Variants in APBA2 observed in about 807,000 individuals in gnomAD.
APBA2 encodes the protein amyloid-beta A4 precursor protein-binding family A member 2.
APBA2 carries 30 observed loss-of-function variants against 75.0 expected under a neutral mutation model. The observed-to-expected ratio is 0.40, with a 90% CI of 0.30 to 0.54. The LOEUF is 0.54. Ranked by LOEUF, APBA2 falls within the 20% of genes least tolerant of loss-of-function variation. APBA2 has a pLI of 0.49. For synonymous variants in APBA2, 444 were observed against 409.6 expected (o/e 1.08, Z -1.01); for missense variants, 801 against 1,016.1 (o/e 0.79, Z 2.88).
At chr15:29,027,260 G>C (rs1331919269) in intron 3 of APBA2, among the ~76,000 whole-genome samples, 1 of 152,070 alleles carries the variant, frequency 6.6e-6, no homozygotes, top group African/African-American at 2.4e-5. Flanking sequence ...AAACGTGTTT[G>C]TCAATTCATC....
Position 29,054,332 on chromosome 15 carries a change from C to G in APBA2, c.448C>G (p.His150Asp), listed in dbSNP as rs373964837. 56 of 1,613,940 alleles carry G rather than the reference C, an allele frequency of 3.5e-5. 3 individuals are homozygous for G. The highest frequency in any genetic ancestry group is 4.5e-5 in the Non-Finnish European group (53 of 1,180,022). Residue 150 changes from histidine (H) to aspartate (D), a missense_variant, in exon 4 of 15, where the codon CAC becomes GAC. Physicochemically the swap from His to Asp is moderately conservative, Grantham distance 81. Transcript: ENST00000683413. This position sits in a 1 kb window ranked among gnomAD's most constrained non-coding sequence, Gnocchi z 6.1. ...EWTDSAGPHP[H>D]GHEAEGSQDY... ...GACGGACTCGGCGGGCCCGCACCCCCACGGCCACGAGGCTGAAGGCAGCCA... is the reference window on the plus strand; with the variant it reads ...GACGGACTCGGCGGGCCCGCACCCCGACGGCCACGAGGCTGAAGGCAGCCA...
chr15:28,925,231 C>G (rs1321933816), intron 2 of APBA2, among the ~76,000 whole-genome samples: 1 of 152,108 alleles, frequency 6.6e-6, no homozygotes, highest in Non-Finnish European at 1.5e-5. Context: ...AAAAATACCA[C>G]TTGGTTGTAG....
intron 1 of APBA2, among the ~76,000 whole-genome samples, chr15:28,903,804 T>G (rs1005771221): frequency 2.6e-5 from 4 of 152,082 alleles, no homozygotes; most frequent in Non-Finnish European, 5.9e-5. Context: ...TGCTCTGTGG[T>G]GGGCCAGTGG....
At chr15:29,116,550 C>T (rs559638512) in intron 14 of APBA2, among the ~76,000 whole-genome samples, 46 of 151,696 alleles carry the variant, frequency 3.0e-4, no homozygotes, top group African/African-American at 1.1e-3. Context: ...ATGACATGAA[C>T]CCGGGGGGCA....
chr15:28,979,933 T>G (rs1462580883), intron 2 of APBA2, among the ~76,000 whole-genome samples: 2 of 152,208 alleles, frequency 1.3e-5, no homozygotes, highest in African/African-American at 4.8e-5. Flanking sequence ...CTCGGCTGAT[T>G]GGTGGAGCAG....
In APBA2 at chr15:29,046,867, C is replaced by T. The variant is rs1031098746; in HGVS notation, c.-40-6978C>T. Among the ~76,000 whole-genome samples the T allele has an allele frequency of 1.3e-5, 2 of 152,250 alleles. No homozygotes were observed. The highest frequency in any genetic ancestry group is 2.9e-5 in the Non-Finnish European group (2 of 68,046). ...ACAGTGTCATCTGGCCACAGCCACT[C>T]CCAGCCACCTGTGTCAGCAGAGTTC... On this transcript the variant is annotated intron_variant, in intron 3 of 14. Transcript: ENST00000683413. The surrounding 1 kb of genome is among the most constrained non-coding windows in gnomAD (Gnocchi z 5.0).
At chr15:29,045,134 A>G (rs570919758) in intron 3 of APBA2, among the ~76,000 whole-genome samples, 66 of 138,464 alleles carry the variant, frequency 4.8e-4, no homozygotes, top group African/African-American at 1.8e-3. Flanking sequence ...CTGGAGTGCA[A>G]TGGCGTGATC....
rs530631001 is a variant in APBA2, at chr15:29,029,332, C to CA, written c.-40-24501dup. Reference sequence around the variant, plus strand: ...AGATGACATTAACCCACTTTTCTACCAAAAAAAAAAAACCCCTCTGTAGTA... The same window carrying CA: ...AGATGACATTAACCCACTTTTCTACCAAAAAAAAAAAAACCCCTCTGTAGTA... On this transcript the variant is annotated intron_variant, in intron 3 of 14. Transcript: ENST00000683413. Among the ~76,000 whole-genome samples the CA allele has an allele frequency of 5.8e-3, 788 of 136,448 alleles. 2 individuals are homozygous for CA. The highest frequency in any genetic ancestry group is 0.012 in the South Asian group (50 of 4,078). 89.5% of individuals were successfully genotyped at this position (136,448 alleles called of 152,430 possible).
intron 3 of APBA2, among the ~76,000 whole-genome samples, chr15:29,023,441 C>CTTTTTTTTTTTTT: frequency 1.4e-5 from 1 of 73,290 alleles, no homozygotes; most frequent in Non-Finnish European, 2.4e-5. Context: ...TACCTTTTTC[C>CTTTTTTTTTTTTT]TTTTTTTTTT....
intron 2 of APBA2, among the ~76,000 whole-genome samples, chr15:28,922,581 C>G (rs1011802453): frequency 6.6e-6 from 1 of 152,166 alleles, no homozygotes; most frequent in African/African-American, 2.4e-5. Context: ...CAGCCATGCT[C>G]TGTCCTTTAG....
chr15:29,017,780 A>G (rs1348067944), intron 3 of APBA2, among the ~76,000 whole-genome samples: 3 of 151,732 alleles, frequency 2.0e-5, no homozygotes, highest in Non-Finnish European at 4.4e-5. Context: ...GGCTCTTTCT[A>G]TTCTTTCGTC....
rs1469936230 is a variant in APBA2, at chr15:28,987,725, G to GATATATATATAT, written c.-94-8027_-94-8026insTATATATATATA. Among the ~76,000 whole-genome samples, 266 of 118,442 alleles carry GATATATATATAT rather than the reference G, an allele frequency of 2.2e-3. 3 individuals are homozygous for GATATATATATAT. The highest frequency in any genetic ancestry group is 5.9e-3 in the African/African-American group (148 of 24,974). The allele number at this position is 118,442 out of a possible 152,430, so 77.7% of individuals were successfully genotyped here. On this transcript the variant is annotated intron_variant, in intron 2 of 14. Coordinates refer to ENST00000683413, the MANE Select transcript of APBA2 (RefSeq NM_001353788.2). ...AAGGGAGTGTCAAAGAATATGTGGA[G>GATATATATATAT]AGAGATATATATATATATATATATA...
intron 6 of APBA2, among the ~76,000 whole-genome samples, chr15:29,085,927 C>G (rs2043273362): frequency 6.6e-6 from 1 of 152,182 alleles, no homozygotes; most frequent in Admixed American, 6.5e-5. Context: ...AAATGGCCCC[C>G]AAGGACCCCT....
intron 2 of APBA2, among the ~76,000 whole-genome samples, chr15:28,956,025 G>T (rs1039848928): frequency 6.6e-6 from 1 of 152,198 alleles, no homozygotes; most frequent in African/African-American, 2.4e-5. Context: ...CGAGACTGGG[G>T]GTTTGTATGC....
intron 2 of APBA2, among the ~76,000 whole-genome samples, chr15:28,948,432 CT>C (rs1476580732): frequency 2.0e-5 from 3 of 152,058 alleles, no homozygotes; most frequent in Non-Finnish European, 4.4e-5. Context: ...GTAAAGTCCC[CT>C]TTCGTAGAGA....
chr15:29,006,353 G>A (rs2039115383), intron 3 of APBA2, among the ~76,000 whole-genome samples: 5 of 152,152 alleles, frequency 3.3e-5, no homozygotes, highest in South Asian at 2.1e-4. Flanking sequence ...AACCAAGGAA[G>A]CAAAAAAATT....
At chr15:28,938,532 A>G (rs11070763) in intron 2 of APBA2, among the ~76,000 whole-genome samples, 44,701 of 152,088 alleles carry the variant, frequency 0.29, 10,744 homozygotes, top group African/African-American at 0.64. Flanking sequence ...ACAGCGTGAC[A>G]GAGTTTTGCT....
chr15:29,113,024 T>TAAGA (rs1193102630), intron 13 of APBA2, among the ~76,000 whole-genome samples: 1 of 152,168 alleles, frequency 6.6e-6, no homozygotes, highest in African/African-American at 2.4e-5. Flanking sequence ...GTAGCACACT[T>TAAGA]CAGACTCTCC....
chr15:29,032,133 T>G (rs1314571050), intron 3 of APBA2, among the ~76,000 whole-genome samples: 3 of 152,258 alleles, frequency 2.0e-5, no homozygotes, highest in African/African-American at 7.2e-5. Context: ...CTCCCCAGCC[T>G]GTGGCTGGTG....
Sources: gnomAD v4.1 joint callset for allele counts (sites outside exome capture counted in the v4.1 genomes callset) on GRCh38, gnomAD v4.1.1 for gene constraint, Gnocchi (gnomAD v3.1) non-coding constraint, MANE v1.5 for transcripts, NCBI Gene and HGNC (gene_info 2026-07-23, HGNC 2026-07-21) for gene names.